TMEM117: variants seen among roughly 807,000 people sequenced by gnomAD.
TMEM117 encodes the protein transmembrane protein 117.
Under a neutral mutation model 52.4 loss-of-function variants are expected in TMEM117, and 27 were observed. The observed-to-expected ratio is 0.51, with a 90% CI of 0.38 to 0.71. The LOEUF is 0.71. TMEM117 is among the 30% of genes least tolerant of loss of function. The pLI is 0.00. For synonymous variants in TMEM117, 215 were observed against 206.3 expected (o/e 1.04, Z -0.36); for missense variants, 556 against 630.5 (o/e 0.88, Z 1.26).
At chr12:43,955,623 T>C (rs1945294100) in intron 3 of TMEM117, among the ~76,000 whole-genome samples, 1 of 152,062 alleles carries the variant, frequency 6.6e-6, no homozygotes, top group African/African-American at 2.4e-5. Context: ...TACAGACCGG[T>C]CAAGGAAATC....
At chr12:43,982,942 CAG>C (rs1219972005) in intron 3 of TMEM117, among the ~76,000 whole-genome samples, 1 of 152,258 alleles carries the variant, frequency 6.6e-6, no homozygotes, top group East Asian at 1.9e-4. Context: ...AGCAGATTAA[CAG>C]ATCTCATTTT....
At chr12:43,884,079 T>G (rs1300432665) in intron 2 of TMEM117, among the ~76,000 whole-genome samples, 1 of 147,404 alleles carries the variant, frequency 6.8e-6, no homozygotes, top group Non-Finnish European at 1.5e-5. Flanking sequence ...AAGGCTGCAG[T>G]GAGCCATGAT....
chr12:44,298,235 A>G (rs1477567578), intron 5 of TMEM117, among the ~76,000 whole-genome samples: 1 of 150,754 alleles, frequency 6.6e-6, no homozygotes, highest in African/African-American at 2.5e-5. Flanking sequence ...ATGAAGATTC[A>G]TATTATTTTA....
At chr12:44,210,939 G>A (rs745577967) in intron 4 of TMEM117, among the ~76,000 whole-genome samples, 7 of 152,030 alleles carry the variant, frequency 4.6e-5, no homozygotes, top group Non-Finnish European at 7.4e-5. Context: ...AGACATCAGG[G>A]AATGCTTGAG....
chr12:44,267,289 T>C (rs1173645065), intron 5 of TMEM117, among the ~76,000 whole-genome samples: 1 of 152,130 alleles, frequency 6.6e-6, no homozygotes, highest in Admixed American at 6.6e-5. Flanking sequence ...AAATGAAATC[T>C]TTTTCTTAAT....
At chr12:44,342,308 G>T (rs1248796921) in intron 6 of TMEM117, among the ~76,000 whole-genome samples, 3 of 152,108 alleles carry the variant, frequency 2.0e-5, no homozygotes, top group Non-Finnish European at 4.4e-5. Context: ...TAGGGAATCT[G>T]CCCTCCCTCT....
chr12:44,012,340 A>G lies in TMEM117; in HGVS notation c.410+67998A>G, dbSNP rs533745459. Among the ~76,000 whole-genome samples, 5 of 149,692 alleles carry G rather than the reference A, an allele frequency of 3.3e-5. No individual in the cohort carries two copies. The East Asian group carries it at 5.8e-4, about 17-fold the overall frequency. On this transcript the variant is annotated intron_variant, in intron 3 of 7. Transcript: ENST00000266534. ...TCGTGGAGCTGTGGTTTGTTGTCTAACATTAATTTGGAAAAATTCTCAGTC... is the reference window on the plus strand; with the variant it reads ...TCGTGGAGCTGTGGTTTGTTGTCTAGCATTAATTTGGAAAAATTCTCAGTC...
At chr12:44,152,680 A>G (rs1264259732) in intron 4 of TMEM117, among the ~76,000 whole-genome samples, 111 of 133,562 alleles carry the variant, frequency 8.3e-4, no homozygotes, top group African/African-American at 2.9e-3. Flanking sequence ...ATTTTTATAT[A>G]TATAATATTT....
chr12:44,275,244 T>C (rs1307972405), intron 5 of TMEM117, among the ~76,000 whole-genome samples: 3 of 152,202 alleles, frequency 2.0e-5, no homozygotes, highest in African/African-American at 4.8e-5. Flanking sequence ...AGAACTGCAG[T>C]GAGATGTCGT....
chr12:44,130,145 G>A (rs1204250919), intron 3 of TMEM117, among the ~76,000 whole-genome samples: 2 of 152,132 alleles, frequency 1.3e-5, no homozygotes, highest in Admixed American at 6.6e-5. Context: ...ATACTAATTG[G>A]TTCTTTATAT....
At chr12:43,943,393 C>G (rs1945077965) in intron 2 of TMEM117, among the ~76,000 whole-genome samples, 2 of 152,054 alleles carry the variant, frequency 1.3e-5, no homozygotes, top group Non-Finnish European at 2.9e-5. Context: ...TTTCAGGGTA[C>G]TGGTGCCATC....
intron 3 of TMEM117, among the ~76,000 whole-genome samples, chr12:44,059,207 G>T (rs79772732): frequency 6.6e-6 from 1 of 152,118 alleles, no homozygotes; most frequent in Admixed American, 6.6e-5. Flanking sequence ...CAGCAGTATC[G>T]GTCTGCAGCT....
downstream of TMEM117, among the ~76,000 whole-genome samples, chr12:44,393,376 A>T (rs1287319586): frequency 6.6e-6 from 1 of 151,508 alleles, no homozygotes; most frequent in Admixed American, 6.6e-5. Flanking sequence ...TCTTTGCTTA[A>T]TTCTCATATT....
chr12:44,056,895 G>A (rs922929418), intron 3 of TMEM117, among the ~76,000 whole-genome samples: 5 of 152,092 alleles, frequency 3.3e-5, no homozygotes, highest in Non-Finnish European at 7.4e-5. Flanking sequence ...GCACAGAGAG[G>A]CCTTTTATTC....
At chr12:43,921,648 G>A (rs1408717826) in intron 2 of TMEM117, among the ~76,000 whole-genome samples, 1 of 152,016 alleles carries the variant, frequency 6.6e-6, no homozygotes, top group East Asian at 1.9e-4. Context: ...TATTAAATTT[G>A]TTATACAACT....
At chr12:44,232,465 A>G (rs1382554343) in intron 5 of TMEM117, among the ~76,000 whole-genome samples, 2 of 151,624 alleles carry the variant, frequency 1.3e-5, no homozygotes, top group East Asian at 3.9e-4. Flanking sequence ...CTCAGTACCA[A>G]TATCACATTC....
At chr12:44,291,126 A>G (rs889239470) in intron 5 of TMEM117, among the ~76,000 whole-genome samples, 2 of 152,176 alleles carry the variant, frequency 1.3e-5, no homozygotes, top group Non-Finnish European at 2.9e-5. Flanking sequence ...ATCTCTGAAG[A>G]TAGGAAGTAT....
At chr12:44,072,164 A>G (rs1485148071) in intron 3 of TMEM117, among the ~76,000 whole-genome samples, 1 of 152,064 alleles carries the variant, frequency 6.6e-6, no homozygotes, top group Admixed American at 6.5e-5. Flanking sequence ...AACTTTGAGG[A>G]GATATTGAAA....
intron 1 of TMEM117, among the ~76,000 whole-genome samples, chr12:43,837,503 T>C (rs752336821): frequency 4.6e-5 from 7 of 152,012 alleles, no homozygotes; most frequent in Non-Finnish European, 1.0e-4. Flanking sequence ...CGCGCCACCA[T>C]GCCTGGCTAA....
Sources: allele counts gnomAD v4.1 joint callset (sites outside exome capture counted in the v4.1 genomes callset), GRCh38; gene constraint gnomAD v4.1.1; transcripts MANE v1.5; gene names NCBI Gene and HGNC (gene_info 2026-07-23, HGNC 2026-07-21).